Variants in HSPG2 observed in about 807,000 individuals in gnomAD.
HSPG2 encodes heparan sulfate proteoglycan 2.
HSPG2 carries 278 observed loss-of-function variants against 526.6 expected under a neutral mutation model. The observed-to-expected ratio is 0.53, with a 90% CI of 0.48 to 0.58. The LOEUF (loss-of-function observed/expected upper bound fraction) is 0.58. HSPG2 is among the 20% of genes least tolerant of loss of function. The pLI is 0.00. For synonymous variants in HSPG2, 2,465 were observed against 2,555.4 expected, an observed-to-expected ratio of 0.96 and a Z score of 1.07; for missense variants, 5,354 against 6,099.5, an observed-to-expected ratio of 0.88 and a Z score of 4.07.
At chr1:21,857,949 G>A (rs529776205) in intron 42 of HSPG2, among the ~76,000 whole-genome samples, 5 of 152,134 alleles carry the variant, frequency 3.3e-5, no homozygotes, top group Middle Eastern at 3.4e-3. Flanking sequence ...ACCCCTCCCC[G>A]GGGCTTCTTC....
chr1:21,923,295 T>A (rs1325578773), intron 1 of HSPG2, among the ~76,000 whole-genome samples: 1 of 151,900 alleles, frequency 6.6e-6, no homozygotes, highest in African/African-American at 2.4e-5. Context: ...TAATCCCAGC[T>A]ACTCGGGAGG....
intron 95 of HSPG2, 174 bp downstream of exon 95, chr1:21,823,947 C>T (rs547577833): frequency 7.6e-5 from 59 of 772,434 alleles, no homozygotes; most frequent in African/African-American, 7.2e-4. Flanking sequence ...CTGCCCCCAG[C>T]GGAGTTCAGT....
chr1:21,895,979 A>T lies in HSPG2; in HGVS notation c.200-13T>A. ...CTGCCCAGGTCGTCTATAAGCAAAAAAGAGATGTAATCAGCAACAACAAGT... is the reference window on the plus strand; with the variant it reads ...CTGCCCAGGTCGTCTATAAGCAAAATAGAGATGTAATCAGCAACAACAAGT... On this transcript the variant is annotated splice_polypyrimidine_tract_variant and intron_variant, in intron 2 of 96. Transcript: ENST00000374695. The surrounding 1 kb of genome is among the most constrained non-coding windows in gnomAD (Gnocchi z 4.1). 1 of 1,614,008 alleles carries T rather than the reference A, an allele frequency of 6.2e-7. No homozygotes were observed. The highest frequency in any genetic ancestry group is 1.1e-5 in the South Asian group (1 of 91,054).
chr1:21,885,154 G>C lies in HSPG2; in HGVS notation c.1214C>G (p.Pro405Arg), dbSNP rs773362657. 6.2e-7 allele frequency: 1 copy of C among 1,607,920 alleles called. No individual in the cohort carries two copies. The highest frequency in any genetic ancestry group is 1.7e-5 in the Admixed American group (1 of 59,394). ...CCGGGGAGGTGTCACCACCTGGGGGGGCACTGAGGAGACCAGGGCAGGAGT... is the reference window on the plus strand; with the variant it reads ...CCGGGGAGGTGTCACCACCTGGGGGCGCACTGAGGAGACCAGGGCAGGAGT... ...PDRSDEFGCMPPQVVTPPRES... is the reference protein window; with the variant it reads ...PDRSDEFGCMRPQVVTPPRES... Residue 405 changes from proline (P) to arginine (R), a missense_variant, in exon 11 of 97, where the codon CCC becomes CGC. Transcript: ENST00000374695.
intron 1 of HSPG2, among the ~76,000 whole-genome samples, chr1:21,922,672 C>T (rs1348073613): frequency 1.3e-5 from 2 of 152,140 alleles, no homozygotes; most frequent in South Asian, 2.1e-4. Flanking sequence ...CTGAAGCCAA[C>T]GTAAGGTGGA....
At chr1:21,863,322 C>G (rs1421003014) in intron 37 of HSPG2, among the ~76,000 whole-genome samples, 23 of 144,402 alleles carry the variant, frequency 1.6e-4, no homozygotes, top group South Asian at 6.8e-4. Flanking sequence ...GCAGTGAGCC[C>G]AGATGGCGCC....
At position 21,831,275 on chromosome 1, in the gene HSPG2, GT is replaced by G; in HGVS notation, c.11501del (p.Asp3834AlafsTer67). 6.2e-7 allele frequency: 1 copy of G among 1,614,056 alleles called. No individual in the cohort carries two copies. Among genetic ancestry groups the G allele is most frequent in the South Asian group, 1.1e-5 (1 of 91,090 alleles). ...RIQGEEIVFH[D>X]LNLTAHGISH... is the part of the protein sequence containing the mutation. ...AGATGCCGTGCGCCGTGAGGTTGAG[GT>G]CATGGAAGACGATCTCCTCGCCCTG... is the stretch of plus-strand genomic sequence containing the variant. On this transcript the variant is annotated frameshift_variant, in exon 84 of 97. Coordinates refer to ENST00000374695, the MANE Select transcript of HSPG2 (RefSeq NM_005529.7). LOFTEE classifies it high-confidence loss of function.
chr1:21,849,944 C>T (rs1194446792), intron 57 of HSPG2, 97 bp downstream of exon 57: 5 of 1,486,598 alleles, frequency 3.4e-6, no homozygotes, highest in South Asian at 2.3e-5. Context: ...TCCCAAAGTG[C>T]CGGGATTACA....
At chr1:21,934,618 CAG>C (rs1644435249) in intron 1 of HSPG2, among the ~76,000 whole-genome samples, 1 of 149,942 alleles carries the variant, frequency 6.7e-6, no homozygotes, top group Non-Finnish European at 1.5e-5. Flanking sequence ...TTTTTTGAGA[CAG>C]AGTCTTGCTC....
intron 91 of HSPG2, among the ~76,000 whole-genome samples, chr1:21,825,904 G>A (rs1277960969): frequency 6.6e-6 from 1 of 151,808 alleles, no homozygotes; most frequent in Non-Finnish European, 1.5e-5. Context: ...TCCTGCCTTG[G>A]CCTCCCGAGT....
Position 21,874,853 on chromosome 1 carries a change from A to G in HSPG2, c.3414+38T>C, listed in dbSNP as rs533813393. ...GGAGAAGGAGCGGGAAGCACCATGG[A>G]GGGGGCTGGCTGGGCTGGCGTGGGG... On this transcript the variant is annotated intron_variant, in intron 26 of 96. Transcript: ENST00000374695. 69 of 1,562,858 alleles carry G rather than the reference A, an allele frequency of 4.4e-5. No homozygotes were observed. The East Asian group carries it at 1.5e-3, about 33-fold the overall frequency.
intron 91 of HSPG2, among the ~76,000 whole-genome samples, chr1:21,826,628 G>T (rs1572137189): frequency 6.6e-6 from 1 of 151,992 alleles, no homozygotes; most frequent in African/African-American, 2.4e-5. Flanking sequence ...TCCTGCCTCA[G>T]CCTCCGGAGT....
chr1:21,846,298 C>G (rs1638430112), intron 63 of HSPG2, 43 bp from the exon 64 acceptor site: 3 of 1,612,556 alleles, frequency 1.9e-6, no homozygotes, highest in Non-Finnish European at 2.5e-6. Context: ...AGGTGCCAGT[C>G]TGGAACTGTT....
rs1642524727 is a variant in HSPG2 at position 21,893,632 on chromosome 1, C to T, written c.244+2290G>A. ...CAGGCTCCGAGACCATCATGCCAGC[C>T]ACGGGCGGGCGGCCCAGGGGCTGCC... On this transcript the variant is annotated intron_variant, in intron 3 of 96. Coordinates refer to ENST00000374695, the MANE Select transcript of HSPG2 (RefSeq NM_005529.7). The surrounding 1 kb of genome is among the most constrained non-coding windows in gnomAD (Gnocchi z 4.3). Among the ~76,000 whole-genome samples, 1 of 151,926 alleles carries T rather than the reference C, an allele frequency of 6.6e-6. No individual in the cohort carries two copies. The highest frequency in any genetic ancestry group is 2.4e-5 in the African/African-American group (1 of 41,362).
chr1:21,882,279 T>C (rs1254862467), intron 13 of HSPG2, among the ~76,000 whole-genome samples: 2 of 152,196 alleles, frequency 1.3e-5, no homozygotes, highest in East Asian at 1.9e-4. Context: ...ATCTGTAAGA[T>C]GGTGCTTAAA....
Position 21,833,844 on chromosome 1 carries a change from T to C in HSPG2, c.10802A>G (p.Tyr3601Cys), listed in dbSNP as rs567501703. 1.0e-5 allele frequency: 16 copies of C among 1,602,854 alleles called. No individual in the cohort carries two copies. The highest frequency in any genetic ancestry group is 1.7e-5 in the Admixed American group (1 of 58,522). Residue 3601 changes from tyrosine (Y) to cysteine (C), a missense_variant, in exon 78 of 97, where the codon TAC becomes TGC. By Grantham distance (194) the Tyr-to-Cys change is radical. Coordinates refer to ENST00000374695, the MANE Select transcript of HSPG2 (RefSeq NM_005529.7). The stretch of plus-strand genomic sequence containing the variant: ...GCTCCAGCTGATGTCAGGAGTGGGG[T>C]AGCCTGAGGCTATGCAGGGGAAGAC... ...AAVFPCIASG[Y>C]PTPDISWSKL... is the part of the protein sequence containing the mutation.
intron 33 of HSPG2, among the ~76,000 whole-genome samples, chr1:21,871,258 G>GTTTTT (rs5772965): frequency 4.4e-5 from 5 of 114,684 alleles, no homozygotes; most frequent in Admixed American, 1.0e-4. Flanking sequence ...CAGAGTATTT[G>GTTTTT]TTTTTTTTTT....
chr1:21,881,366 A>C lies in HSPG2; in HGVS notation c.1791T>G (p.Ala597=), dbSNP rs756362594. The C allele has an allele frequency of 1.2e-6, 2 of 1,614,210 alleles. No homozygotes were observed. The highest frequency in any genetic ancestry group is 8.5e-7 in the Non-Finnish European group (1 of 1,180,044). The change falls in exon 14 of 97, where the codon GCT becomes GCG. Residue 597 remains alanine, a synonymous_variant. Coordinates refer to ENST00000374695, the MANE Select transcript of HSPG2 (RefSeq NM_005529.7). ...RRFLVHDSFW[A]LPEQFLGNKV... Reference sequence around the variant, plus strand: ...TGTTGCCCAGGAACTGTTCAGGCAGAGCCCAGAAGGAGTCGTGGACGAGGA... The same window carrying C: ...TGTTGCCCAGGAACTGTTCAGGCAGCGCCCAGAAGGAGTCGTGGACGAGGA...
At position 21,857,021 on chromosome 1, in the gene HSPG2, C is replaced by A; in HGVS notation, c.5569G>T (p.Val1857Leu). The A allele has an allele frequency of 6.2e-7, 1 of 1,614,130 alleles. No individual in the cohort carries two copies. Among genetic ancestry groups the A allele is most frequent in the South Asian group, 1.1e-5 (1 of 91,082 alleles). The stretch of plus-strand genomic sequence containing the variant: ...GTATAGATGGGAGGTGTACCCTGCA[C>A]ATGTAGAGTGGCTGTGCCCTGGTCC... ...AMDQGTATLH[V>L]QASGTLSAPV... Residue 1857 changes from valine (V) to leucine (L), a missense_variant, in exon 44 of 97, where the codon GTG becomes TTG. Transcript: ENST00000374695.
Sources: gnomAD v4.1 joint callset for allele counts (sites outside exome capture counted in the v4.1 genomes callset) on GRCh38, gnomAD v4.1.1 for gene constraint, Gnocchi (gnomAD v3.1) non-coding constraint, MANE v1.5 for transcripts, NCBI Gene and HGNC (gene_info 2026-07-23, HGNC 2026-07-21) for gene names.